ZNF528: variants seen among roughly 807,000 people sequenced by gnomAD.
ZNF528 encodes the protein zinc finger protein 528.
ZNF528 carries 9 observed loss-of-function variants against 13.3 expected under a neutral mutation model. The observed-to-expected ratio is 0.67, with a 90% CI of 0.41 to 1.18. The LOEUF (loss-of-function observed/expected upper bound fraction) is 1.18, where lower values mean the gene tolerates loss of function less well. Ranked by LOEUF, ZNF528 falls within the 50% of genes most tolerant of loss-of-function variation. The probability of loss-of-function intolerance (pLI) is 0.01; values close to 1 mark genes in which losing one functional copy is unlikely to be tolerated. For missense variants in ZNF528, 858 were observed against 745.4 expected, an observed-to-expected ratio of 1.15 and a Z score of -1.76; for synonymous variants, 264 against 254.3, an observed-to-expected ratio of 1.04 and a Z score of -0.36.
At chr19:52,402,846 TA>T (rs1250027326) in intron 4 of ZNF528, among the ~76,000 whole-genome samples, 1 of 152,242 alleles carries the variant, frequency 6.6e-6, no homozygotes, top group African/African-American at 2.4e-5. Context: ...TGTTAATACC[TA>T]AATAACAATA....
intron 6 of ZNF528, among the ~76,000 whole-genome samples, chr19:52,410,785 C>G (rs1457838467): frequency 6.6e-6 from 1 of 152,146 alleles, no homozygotes; most frequent in Middle Eastern, 3.2e-3. Context: ...AATTCCTCTT[C>G]AGCCTGTTAA....
In ZNF528 at chr19:52,406,650, G is replaced by A; in HGVS notation, c.271+7G>A. 2.5e-6 allele frequency: 4 copies of A among 1,605,476 alleles called. No homozygotes were observed. Among genetic ancestry groups the A allele is most frequent in the Middle Eastern group, 1.7e-4 (1 of 5,996 alleles). On this transcript the variant is annotated splice_region_variant and intron_variant, in intron 6 of 6. Coordinates refer to ENST00000360465, the MANE Select transcript of ZNF528 (RefSeq NM_032423.3). ...ATCAAAGGTGTGAACACAGGTGAGA[G>A]CTCGGGTGGGCAGAGTGGAGGCCCC... is the stretch of plus-strand genomic sequence containing the variant.
chr19:52,400,009 C>T (rs1048149527), intron 2 of ZNF528, among the ~76,000 whole-genome samples: 4 of 152,102 alleles, frequency 2.6e-5, no homozygotes, highest in Admixed American at 1.3e-4. Context: ...AATTTTCCAA[C>T]AGGCCCACTC....
intron 6 of ZNF528, among the ~76,000 whole-genome samples, chr19:52,407,655 A>G (rs2058875028): frequency 6.6e-6 from 1 of 152,078 alleles, no homozygotes; most frequent in South Asian, 2.1e-4. Flanking sequence ...AGGTGCCTAT[A>G]ATCCCAGCTA....
In ZNF528 at chr19:52,397,891, T is replaced by C. The variant is rs1354302171; in HGVS notation, c.-403T>C. 1 of 152,226 alleles carries C rather than the reference T, an allele frequency of 6.6e-6. No homozygotes were observed. The highest frequency in any genetic ancestry group is 1.5e-5 in the Non-Finnish European group (1 of 68,054). 9.4% of individuals were successfully genotyped at this position (152,226 alleles called of 1,614,324 possible). On this transcript the variant is annotated 5_prime_UTR_variant, in exon 1 of 7. Coordinates refer to ENST00000360465, the MANE Select transcript of ZNF528 (RefSeq NM_032423.3). ...GAAGCCGATTGCAGGGAGAAACTGT[T>C]TTCGCAGCAGTGCGTGAGTTTCCCT... is the stretch of plus-strand genomic sequence containing the variant.
rs1452040366 is a variant in ZNF528, at chr19:52,416,759, G to A, written c.*20G>A. Reference sequence around the variant, plus strand: ...TCATGAGAGTCCCTACAAACTGTATGGCAAAACCATCATCATGAGTTCTAG... The same window carrying A: ...TCATGAGAGTCCCTACAAACTGTATAGCAAAACCATCATCATGAGTTCTAG... On this transcript the variant is annotated 3_prime_UTR_variant, in exon 7 of 7. Transcript: ENST00000360465. 1 of 1,040,604 alleles carries A rather than the reference G, an allele frequency of 9.6e-7. No homozygotes were observed. The highest frequency in any genetic ancestry group is 1.5e-6 in the Non-Finnish European group (1 of 686,666). The allele number at this position is 1,040,604 out of a possible 1,614,324, so 64.5% of individuals were successfully genotyped here.
chr19:52,409,957 C>T (rs762699372), intron 6 of ZNF528, among the ~76,000 whole-genome samples: 106 of 152,252 alleles, frequency 7.0e-4, no homozygotes, highest in Admixed American at 2.0e-3. Context: ...TCAGGTGATC[C>T]GCTCACCTTG....
At chr19:52,414,278 C>T (rs990322511) in intron 6 of ZNF528, 2 of 702,434 alleles carry the variant, frequency 2.8e-6, no homozygotes, top group African/African-American at 3.5e-5. Context: ...GTCCGACATC[C>T]TCGGAGTCCC....
intron 4 of ZNF528, among the ~76,000 whole-genome samples, chr19:52,402,823 CTTAA>C (rs1176542703): frequency 6.6e-6 from 1 of 152,094 alleles, no homozygotes; most frequent in South Asian, 2.1e-4. Flanking sequence ...AATTAGTAAA[CTTAA>C]TTAAATTTTG....
At chr19:52,407,720 G>A (rs55889011) in intron 6 of ZNF528, among the ~76,000 whole-genome samples, 1 of 152,092 alleles carries the variant, frequency 6.6e-6, no homozygotes, top group Non-Finnish European at 1.5e-5. Flanking sequence ...AGGTTGCAGT[G>A]AGCCGAGATT....
Position 52,415,752 on chromosome 19 carries a change from T to C in ZNF528, c.900T>C (p.His300=). ...IHTGEKPYKC[H]ECDKVFNQIA... is the part of the protein sequence containing the mutation. ...CTGGAGAGAAGCCTTACAAATGTCA[T>C]GAATGTGACAAGGTCTTCAATCAAA... The change falls in exon 7 of 7, where the codon CAT becomes CAC. Residue 300 remains histidine (H), a synonymous_variant. Transcript: ENST00000360465. 6.2e-7 allele frequency: 1 copy of C among 1,614,068 alleles called. No homozygotes were observed. Among genetic ancestry groups the C allele is most frequent in the Non-Finnish European group, 8.5e-7 (1 of 1,180,018 alleles).
chr19:52,403,267 G>A (rs1216394610), intron 4 of ZNF528, among the ~76,000 whole-genome samples: 1 of 152,146 alleles, frequency 6.6e-6, no homozygotes, highest in South Asian at 2.1e-4. Flanking sequence ...GGAGTTCAAG[G>A]TTATGGTGTG....
chr19:52,417,514 G>A lies in ZNF528; in HGVS notation c.*775G>A, dbSNP rs1438424540. 6.6e-6 allele frequency: 1 copy of A among 152,658 alleles called. No homozygotes were observed. Among genetic ancestry groups the A allele is most frequent in the Non-Finnish European group, 1.5e-5 (1 of 68,472 alleles). 9.5% of individuals were successfully genotyped at this position (152,658 alleles called of 1,614,324 possible). A position where few individuals can be genotyped will look rare whatever the true frequency, so the allele number is the denominator to read the frequency against. ...GTTATTAGTGGGAAGAGAGTAATAGGTTGCTAGTGTCTGATTATATGGTAG... is the reference window on the plus strand; with the variant it reads ...GTTATTAGTGGGAAGAGAGTAATAGATTGCTAGTGTCTGATTATATGGTAG... On this transcript the variant is annotated 3_prime_UTR_variant, in exon 7 of 7. Coordinates refer to ENST00000360465, the MANE Select transcript of ZNF528 (RefSeq NM_032423.3).
At chr19:52,414,051 C>T (rs2058966286) in intron 6 of ZNF528, 1 of 593,140 alleles carries the variant, frequency 1.7e-6, no homozygotes, top group Non-Finnish European at 3.0e-6. Context: ...CAGACAAGTT[C>T]TGCCCCACGT....
intron 5 of ZNF528, 82 bp downstream of exon 5, chr19:52,406,115 T>G: frequency 1.4e-6 from 2 of 1,464,028 alleles, no homozygotes; most frequent in Non-Finnish European, 1.8e-6. Context: ...TGGGAGCTCC[T>G]GCATTGCTTG....
chr19:52,415,659 C>A lies in ZNF528; in HGVS notation c.807C>A (p.Tyr269Ter). The A allele has an allele frequency of 6.2e-7, 1 of 1,614,142 alleles. No homozygotes were observed. The change falls in exon 7 of 7, where the codon TAC becomes TAA. Residue 269 changes from tyrosine (Y) to a stop codon, truncating the protein, a stop_gained. Transcript: ENST00000360465. LOFTEE classifies it low-confidence loss of function (END_TRUNC). ...HQRIHTGEKPYKCHECDKVFR... is the reference protein window; with the variant it reads ...HQRIHTGEKP Reference sequence around the variant, plus strand: ...GAATTCATACTGGAGAGAAGCCTTACAAATGTCATGAATGTGACAAGGTCT... The same window carrying A: ...GAATTCATACTGGAGAGAAGCCTTAAAAATGTCATGAATGTGACAAGGTCT...
At chr19:52,413,894 C>G in intron 6 of ZNF528, 1 of 272,042 alleles carries the variant, frequency 3.7e-6, no homozygotes, top group East Asian at 8.1e-5. Context: ...CTGCTGTGTC[C>G]CAATTTTCCA....
intron 6 of ZNF528, chr19:52,414,245 AGTCCTAT>A (rs750198578): frequency 1.9e-5 from 13 of 702,374 alleles, no homozygotes; most frequent in Non-Finnish European, 3.1e-5. Context: ...ACGTCCTCAA[AGTCCTAT>A]GTTCGGAGGC....
At chr19:52,405,851 T>C in intron 4 of ZNF528, 56 bp from the exon 5 acceptor site, 1 of 1,593,904 alleles carries the variant, frequency 6.3e-7, no homozygotes, top group Non-Finnish European at 8.6e-7. Context: ...TCCCATTCTT[T>C]GTGACGATGA....
Sources: allele counts gnomAD v4.1 joint callset (sites outside exome capture counted in the v4.1 genomes callset), GRCh38; gene constraint gnomAD v4.1.1; transcripts MANE v1.5; gene names NCBI Gene and HGNC (gene_info 2026-07-23, HGNC 2026-07-21).